The following CSMD1 variants were observed in gnomAD, a reference collection of about 807,000 sequenced individuals.
CSMD1 encodes CUB and Sushi multiple domains 1.
A neutral mutation model predicts 417.5 loss-of-function variants in CSMD1; 213 were observed. The observed-to-expected ratio is 0.51, with a 90% confidence interval of 0.46 to 0.57. The LOEUF (loss-of-function observed/expected upper bound fraction) is 0.57. CSMD1 is among the 20% of genes least tolerant of loss of function. CSMD1 has a pLI of 0.00. For synonymous variants in CSMD1, 2,862 were observed against 1,736.8 expected (o/e 1.65, Z -16.11); for missense variants, 6,923 against 4,529.7 (o/e 1.53, Z -15.17).
intron 7 of CSMD1, among the ~76,000 whole-genome samples, chr8:3,652,320 AGTGCTCACCACCATCAGC>A (rs1449797144): frequency 3.3e-5 from 5 of 150,826 alleles, no homozygotes; most frequent in South Asian, 2.1e-4. Flanking sequence ...CCACCATCGG[AGTGCTCACCACCATCAGC>A]GTGCTTACCA....
intron 10 of CSMD1, among the ~76,000 whole-genome samples, chr8:3,569,288 G>C (rs548171466): frequency 6.6e-6 from 1 of 152,256 alleles, no homozygotes; most frequent in South Asian, 2.1e-4. Context: ...CATGTGATGT[G>C]CATTATTAGG....
At chr8:4,854,366 C>A (rs1375194781) in intron 1 of CSMD1, among the ~76,000 whole-genome samples, 1 of 152,230 alleles carries the variant, frequency 6.6e-6, no homozygotes, top group African/African-American at 2.4e-5. Flanking sequence ...ATTGAATTCT[C>A]AAAGGATTTG....
chr8:3,382,369 C>T (rs964547033), intron 18 of CSMD1, among the ~76,000 whole-genome samples: 3 of 143,060 alleles, frequency 2.1e-5, no homozygotes, highest in Non-Finnish European at 4.5e-5. Context: ...ATTAGCATTC[C>T]AATAACTTTA....
intron 3 of CSMD1, among the ~76,000 whole-genome samples, chr8:4,113,310 T>G (rs761600220): frequency 1.3e-5 from 2 of 150,532 alleles, no homozygotes; most frequent in African/African-American, 4.9e-5. Context: ...GAGAAAGACA[T>G]GTCAAAAAAA....
intron 3 of CSMD1, among the ~76,000 whole-genome samples, chr8:4,396,298 A>T (rs532434643): frequency 7.9e-6 from 1 of 127,170 alleles, no homozygotes; most frequent in African/African-American, 4.1e-5. Context: ...ATCATCTCTT[A>T]AAAGTAAAAA....
At chr8:4,322,231 T>C (rs922336038) in intron 3 of CSMD1, among the ~76,000 whole-genome samples, 2 of 152,212 alleles carry the variant, frequency 1.3e-5, no homozygotes, top group Non-Finnish European at 2.9e-5. Context: ...TCACATGTAA[T>C]TTTATTTGAA....
At chr8:4,415,801 A>T (rs1442954925) in intron 3 of CSMD1, among the ~76,000 whole-genome samples, 1 of 152,190 alleles carries the variant, frequency 6.6e-6, no homozygotes. Context: ...ACGTGTTTAC[A>T]TGTATGTGCA....
intron 2 of CSMD1, among the ~76,000 whole-genome samples, chr8:4,606,884 T>G (rs564196702): frequency 8.1e-4 from 123 of 152,314 alleles, no homozygotes; most frequent in African/African-American, 2.8e-3. Context: ...ACTCAAACCG[T>G]GAACTTTCTC....
chr8:3,818,029 C>G (rs558946287), intron 5 of CSMD1, among the ~76,000 whole-genome samples: 1 of 152,276 alleles, frequency 6.6e-6, no homozygotes, highest in Admixed American at 6.5e-5. Context: ...CTTCCAACCC[C>G]AAACCACGAC....
intron 2 of CSMD1, among the ~76,000 whole-genome samples, chr8:4,458,808 C>T (rs1220642564): frequency 6.6e-6 from 1 of 152,008 alleles, no homozygotes; most frequent in African/African-American, 2.4e-5. Flanking sequence ...TTTTTAACAA[C>T]TTTTCAATTA....
intron 2 of CSMD1, among the ~76,000 whole-genome samples, chr8:4,449,567 A>C (rs1453679651): frequency 1.3e-5 from 2 of 152,174 alleles, no homozygotes; most frequent in African/African-American, 4.8e-5. Context: ...GGACTCATCT[A>C]ATTATTTAGC....
chr8:4,400,320 T>C (rs371952644), intron 3 of CSMD1, among the ~76,000 whole-genome samples: 2 of 152,226 alleles, frequency 1.3e-5, no homozygotes, highest in Non-Finnish European at 2.9e-5. Context: ...CCTGGTCCCA[T>C]AGGAAACTGT....
chr8:4,492,693 G>C (rs558629528), intron 2 of CSMD1, among the ~76,000 whole-genome samples: 1 of 152,212 alleles, frequency 6.6e-6, no homozygotes, highest in East Asian at 1.9e-4. Flanking sequence ...GGATTTTTGA[G>C]AATGAGTCGT....
chr8:3,116,365 G>A (rs754755026), intron 42 of CSMD1, among the ~76,000 whole-genome samples: 1 of 139,632 alleles, frequency 7.2e-6, no homozygotes, highest in Non-Finnish European at 1.5e-5. Context: ...GGATCAGAGA[G>A]ATATGTGGCA....
intron 1 of CSMD1, chr8:4,787,880 T>G: frequency 1.3e-6 from 2 of 1,577,532 alleles, no homozygotes; most frequent in Non-Finnish European, 1.7e-6. Flanking sequence ...CTGGTTGATA[T>G]GAAGATTGAA....
chr8:4,913,273 G>C (rs569164357), intron 1 of CSMD1, among the ~76,000 whole-genome samples: 1 of 152,160 alleles, frequency 6.6e-6, no homozygotes, highest in Non-Finnish European at 1.5e-5. Context: ...TCCTGCCACA[G>C]GTTTGTGGAT....
At chr8:3,097,093 T>C (rs1035823723) in intron 46 of CSMD1, 56 bp from the exon 47 acceptor site, 59 of 1,338,488 alleles carry the variant, frequency 4.4e-5, no homozygotes, top group Non-Finnish European at 5.6e-5. Flanking sequence ...CCAACTGCAA[T>C]AGGATAGTTT....
Position 2,951,150 on chromosome 8 carries a change from A to G in CSMD1, c.10165T>C (p.Phe3389Leu), listed in dbSNP as rs1802601295. The G allele has an allele frequency of 5.0e-6, 8 of 1,613,606 alleles. No homozygotes were observed. Among genetic ancestry groups the G allele is most frequent in the Non-Finnish European group, 6.8e-6 (8 of 1,179,662 alleles). Residue 3389 changes from phenylalanine (F) to leucine (L), a missense_variant, in exon 66 of 70, where the codon TTC becomes CTC. Transcript: ENST00000635120. ...AGCTCCACTGGCGAGGCTTCGCTGA[A>G]GGTGGCATTCACCTTACTGCTTGTT... ...NATSSKVNAT[F>L]SEASPVELKL...
At position 3,675,145 on chromosome 8, in the gene CSMD1, G is replaced by C. The variant is rs572195169; in HGVS notation, c.1009+33269C>G. 2.6e-5 allele frequency among the ~76,000 whole-genome samples: 4 copies of C among 152,254 alleles called. No homozygotes were observed. In the East Asian group the frequency reaches 5.8e-4, roughly 22 times the overall value. On this transcript the variant is annotated intron_variant, in intron 7 of 69. Coordinates refer to ENST00000635120, the MANE Select transcript of CSMD1 (RefSeq NM_033225.6). The stretch of plus-strand genomic sequence containing the variant: ...TCACCACTTTCCCATCATGGCTCAA[G>C]TGCCACTTTCTCCACATGTCTTTCC...
Sources: gnomAD v4.1 joint callset for allele counts (sites outside exome capture counted in the v4.1 genomes callset) on GRCh38, gnomAD v4.1.1 for gene constraint, MANE v1.5 for transcripts, NCBI Gene and HGNC (gene_info 2026-07-23, HGNC 2026-07-21) for gene names.